NUPR1: variants seen among roughly 807,000 people sequenced by gnomAD.
The protein encoded by NUPR1 is nuclear protein 1.
A neutral mutation model predicts 7.3 loss-of-function variants in NUPR1; 8 were observed. The observed-to-expected ratio is 1.09, with a 90% confidence interval of 0.64 to 1.97. NUPR1 has a LOEUF of 1.97. NUPR1 is among the 30% of genes most tolerant of loss of function. NUPR1 has a pLI of 0.00. For missense variants in NUPR1, 96 were observed against 111.7 expected (o/e 0.86, Z 0.63); for synonymous variants, 39 against 44.5 (o/e 0.88, Z 0.49).
intron 1 of NUPR1, chr16:28,538,500 G>A: frequency 1.7e-6 from 1 of 576,240 alleles, no homozygotes; most frequent in Non-Finnish European, 3.1e-6. Context: ...GATCAGCCTG[G>A]GAAACATAGT....
intron 1 of NUPR1, 71 bp from the exon 2 acceptor site, chr16:28,538,226 A>C (rs763425550): frequency 6.2e-7 from 1 of 1,608,944 alleles, no homozygotes; most frequent in South Asian, 1.1e-5. Context: ...GAGGAGAGGC[A>C]GGGGTTCAGG....
chr16:28,538,192 T>C (rs1405996642), intron 1 of NUPR1, 37 bp from the exon 2 acceptor site: 2 of 1,613,628 alleles, frequency 1.2e-6, no homozygotes, highest in African/African-American at 2.7e-5. Context: ...GAAGTGGGCA[T>C]AGGCATGATG....
rs191076896 is a variant in NUPR1, at chr16:28,534,738, A to G, written c.*2945T>C. On this transcript the variant is annotated 3_prime_UTR_variant, in exon 3 of 3. Transcript: ENST00000324873. Reference sequence around the variant, plus strand: ...CAGATGTGATGTGTTCTACTTTTAGATTATGCCCTAAAATTGAAGAGGTGT... The same window carrying G: ...CAGATGTGATGTGTTCTACTTTTAGGTTATGCCCTAAAATTGAAGAGGTGT... The G allele has an allele frequency of 9.4e-3, 1,432 of 152,224 alleles. 7 individuals carry two copies. The highest frequency in any genetic ancestry group is 0.013 in the South Asian group (64 of 4,828). 9.4% of individuals were successfully genotyped at this position (152,224 alleles called of 1,614,324 possible).
intron 1 of NUPR1, 193 bp from the exon 2 acceptor site, chr16:28,538,348 G>C (rs1311576049): frequency 5.3e-6 from 4 of 758,400 alleles, no homozygotes; most frequent in Non-Finnish European, 6.3e-6. Flanking sequence ...CCTGGGATAA[G>C]GGATTAGACA....
chr16:28,535,267 T>G lies in NUPR1; in HGVS notation c.*2416A>C, dbSNP rs1317741487. 1 of 152,130 alleles carries G rather than the reference T, an allele frequency of 6.6e-6. No homozygotes were observed. The highest frequency in any genetic ancestry group is 1.9e-4 in the East Asian group (1 of 5,184). 9.4% of individuals were successfully genotyped at this position (152,130 alleles called of 1,614,324 possible). On this transcript the variant is annotated 3_prime_UTR_variant, in exon 3 of 3. Transcript: ENST00000324873. ...CTTCCCTCCTTTCCTCCTTCCCTCC[T>G]TCCCTCCCTCCTTTCCTTCCTCTTT...
intron 2 of NUPR1, 125 bp downstream of exon 2, chr16:28,537,881 T>A: frequency 1.3e-6 from 1 of 762,954 alleles, no homozygotes; most frequent in South Asian, 1.8e-5. Context: ...AACATATGTC[T>A]CGTTTTATTC....
At position 28,537,200 on chromosome 16, in the gene NUPR1, G is replaced by A. The variant is rs2046629786; in HGVS notation, c.*483C>T. Reference sequence around the variant, plus strand: ...AAACAAACCAAAAGCTGCATTCACAGCGTAGACCCTGCAAGAGCAGGAACA... The same window carrying A: ...AAACAAACCAAAAGCTGCATTCACAACGTAGACCCTGCAAGAGCAGGAACA... On this transcript the variant is annotated 3_prime_UTR_variant, in exon 3 of 3. Transcript: ENST00000324873. 2.0e-5 allele frequency: 3 copies of A among 152,212 alleles called. No individual in the cohort carries two copies. The highest frequency in any genetic ancestry group is 2.0e-4 in the Admixed American group (3 of 15,262). The allele number at this position is 152,212 out of a possible 1,614,324, so 9.4% of individuals were successfully genotyped here.
Position 28,535,575 on chromosome 16 carries a change from T to TC in NUPR1, c.*2107dup, listed in dbSNP as rs1567277486. On this transcript the variant is annotated 3_prime_UTR_variant, in exon 3 of 3. Transcript: ENST00000324873. Reference sequence around the variant, plus strand: ...TCTTTCTTTCTTTCCTTCCTTCCTTTCTTTCTTTCTTTCTTTCTTTCTTTC... The same window carrying TC: ...TCTTTCTTTCTTTCCTTCCTTCCTTTCCTTTCTTTCTTTCTTTCTTTCTTTC... 2.6e-3 allele frequency: 107 copies of TC among 41,396 alleles called. 1 individual carries two copies. The highest frequency in any genetic ancestry group is 0.011 in the African/African-American group (95 of 8,734). The allele number at this position is 41,396 out of a possible 1,614,324, so 2.6% of individuals were successfully genotyped here.
rs1406601108 is a variant in NUPR1, at chr16:28,535,544, C to CTT, written c.*2137_*2138dup. On this transcript the variant is annotated 3_prime_UTR_variant, in exon 3 of 3. Coordinates refer to ENST00000324873, the MANE Select transcript of NUPR1 (RefSeq NM_012385.3). ...CTTTCTTTCTTTCTTTCTTTCTTTC[C>CTT]TTCTTTCTTTCTTTCTTTCCTTCCT... The CTT allele has an allele frequency of 1.7e-5, 1 of 58,122 alleles. No individual in the cohort carries two copies. The highest frequency in any genetic ancestry group is 5.9e-4 in the South Asian group (1 of 1,682). The allele number at this position is 58,122 out of a possible 1,614,324, so 3.6% of individuals were successfully genotyped here.
intron 1 of NUPR1, 151 bp from the exon 2 acceptor site, chr16:28,538,306 GT>G: frequency 1.8e-6 from 2 of 1,103,612 alleles, no homozygotes; most frequent in Non-Finnish European, 2.6e-6. Flanking sequence ...CCCCAGATGT[GT>G]GTGAGGTCCC....
chr16:28,537,179 A>C lies in NUPR1; in HGVS notation c.*504T>G, dbSNP rs1314028945. On this transcript the variant is annotated 3_prime_UTR_variant, in exon 3 of 3. Transcript: ENST00000324873. Reference sequence around the variant, plus strand: ...AAAATATATGCAAGCAAAAGCAAACAAACCAAAAGCTGCATTCACAGCGTA... The same window carrying C: ...AAAATATATGCAAGCAAAAGCAAACCAACCAAAAGCTGCATTCACAGCGTA... The C allele has an allele frequency of 6.6e-6, 1 of 152,210 alleles. No individual in the cohort carries two copies. The highest frequency in any genetic ancestry group is 1.5e-5 in the Non-Finnish European group (1 of 68,064). The allele number at this position is 152,210 out of a possible 1,614,324, so 9.4% of individuals were successfully genotyped here.
At position 28,535,571 on chromosome 16, in the gene NUPR1, C is replaced by CTTTCTTTCCTT. The variant is rs1555472555; in HGVS notation, c.*2111_*2112insAAGGAAAGAAA. 157 of 71,846 alleles carry CTTTCTTTCCTT rather than the reference C, an allele frequency of 2.2e-3. 3 individuals are homozygous for CTTTCTTTCCTT. Among genetic ancestry groups the CTTTCTTTCCTT allele is most frequent in the African/African-American group, 8.7e-3 (146 of 16,836 alleles). The allele number at this position is 71,846 out of a possible 1,614,324, so 4.5% of individuals were successfully genotyped here. A position where few individuals can be genotyped will look rare whatever the true frequency, so the allele number is the denominator to read the frequency against. ...TCTTTCTTTCTTTCTTTCCTTCCTT[C>CTTTCTTTCCTT]CTTTCTTTCTTTCTTTCTTTCTTTC... On this transcript the variant is annotated 3_prime_UTR_variant, in exon 3 of 3. Coordinates refer to ENST00000324873, the MANE Select transcript of NUPR1 (RefSeq NM_012385.3).
intron 1 of NUPR1, 123 bp downstream of exon 1, chr16:28,538,673 C>G: frequency 2.4e-6 from 2 of 827,604 alleles, no homozygotes; most frequent in South Asian, 1.4e-5. Flanking sequence ...CAGAGTGACT[C>G]TCTCAAAAAA....
Position 28,538,866 on chromosome 16 carries a change from G to T in NUPR1, c.42C>A (p.Pro14=). The T allele has an allele frequency of 6.2e-7, 1 of 1,613,452 alleles. No homozygotes were observed. The highest frequency in any genetic ancestry group is 8.5e-7 in the Non-Finnish European group (1 of 1,179,848). ...FPPATSAPQQ[P]PGPEDEDSSL... is the part of the protein sequence containing the mutation. ...TGGAGTCCTCGTCCTCCGGGCCTGGGGGCTGCTGGGGGGCGCTGGTTGCTG... is the reference window on the plus strand; with the variant it reads ...TGGAGTCCTCGTCCTCCGGGCCTGGTGGCTGCTGGGGGGCGCTGGTTGCTG... The change falls in exon 1 of 3, where the codon CCC becomes CCA. Residue 14 remains proline, a synonymous_variant. Coordinates refer to ENST00000324873, the MANE Select transcript of NUPR1 (RefSeq NM_012385.3).
In NUPR1 at chr16:28,537,491, A is replaced by G; in HGVS notation, c.*192T>C. 6.6e-6 allele frequency: 1 copy of G among 152,216 alleles called. No homozygotes were observed. Among genetic ancestry groups the G allele is most frequent in the African/African-American group, 2.4e-5 (1 of 41,328 alleles). 9.4% of individuals were successfully genotyped at this position (152,216 alleles called of 1,614,324 possible). A position where few individuals can be genotyped will look rare whatever the true frequency, so the allele number is the denominator to read the frequency against. On this transcript the variant is annotated 3_prime_UTR_variant, in exon 3 of 3. Transcript: ENST00000324873. ...CTCCATTCCCAGCCTCTCACTCCCCATCTTGCACTTTTGCTAGGGTTGGAG... is the reference window on the plus strand; with the variant it reads ...CTCCATTCCCAGCCTCTCACTCCCCGTCTTGCACTTTTGCTAGGGTTGGAG...
In NUPR1 at chr16:28,533,225, A is replaced by G. The variant is rs1018470417; in HGVS notation, c.*4458T>C. On this transcript the variant is annotated 3_prime_UTR_variant, in exon 3 of 3. Transcript: ENST00000324873. ...TCCAATAAGCATTGATTGAGTTAAT[A>G]TGTAACTTGTATGGAAAGAGGAGTT... The G allele has an allele frequency of 6.6e-6, 1 of 152,236 alleles. No homozygotes were observed. Among genetic ancestry groups the G allele is most frequent in the Non-Finnish European group, 1.5e-5 (1 of 68,076 alleles). 9.4% of individuals were successfully genotyped at this position (152,236 alleles called of 1,614,324 possible). A position where few individuals can be genotyped will look rare whatever the true frequency, so the allele number is the denominator to read the frequency against.
In NUPR1 at chr16:28,533,366, G is replaced by GC. The variant is rs1291935121; in HGVS notation, c.*4316dup. 4 of 152,232 alleles carry GC rather than the reference G, an allele frequency of 2.6e-5. No individual in the cohort carries two copies. Among genetic ancestry groups the GC allele is most frequent in the Non-Finnish European group, 5.9e-5 (4 of 68,090 alleles). The allele number at this position is 152,232 out of a possible 1,614,324, so 9.4% of individuals were successfully genotyped here. On this transcript the variant is annotated 3_prime_UTR_variant, in exon 3 of 3. Coordinates refer to ENST00000324873, the MANE Select transcript of NUPR1 (RefSeq NM_012385.3). The stretch of plus-strand genomic sequence containing the variant: ...GAGGTCAGGAGATGGGTGGAGGATT[G>GC]CAAGTTAAGGAAAACTTTGGTTTTT...
intron 1 of NUPR1, chr16:28,538,563 A>C (rs2046642121): frequency 1.5e-6 from 1 of 645,956 alleles, no homozygotes; most frequent in Admixed American, 2.2e-5. Context: ...CCAGCCACTC[A>C]GGAGGCTGAA....
intron 1 of NUPR1, 100 bp downstream of exon 1, chr16:28,538,696 A>AAAGG: frequency 1.0e-6 from 1 of 975,402 alleles, no homozygotes; most frequent in Non-Finnish European, 1.6e-6. Context: ...AGAAAGAAAG[A>AAAGG]AACGAAGAGG....
Sources: gnomAD v4.1 joint callset for allele counts on GRCh38, gnomAD v4.1.1 for gene constraint, MANE v1.5 for transcripts, NCBI Gene and HGNC (gene_info 2026-07-23, HGNC 2026-07-21) for gene names.